STAG3: variants seen among roughly 807,000 people sequenced by gnomAD.
STAG3 encodes STAG3 cohesin complex component.
In STAG3, 101 loss-of-function variants were observed where a neutral mutation model predicts 160.7. That is an observed-to-expected ratio of 0.63 (90% CI 0.54 to 0.74). The LOEUF (loss-of-function observed/expected upper bound fraction) is 0.74, where lower values mean the gene tolerates loss of function less well. Among genes scored for constraint, STAG3 ranks in the 30% least tolerant of loss-of-function variants. STAG3 has a pLI of 0.00. For missense variants in STAG3, 1,188 were observed against 1,517.4 expected, an observed-to-expected ratio of 0.78 and a Z score of 3.61; for synonymous variants, 519 against 585.0, an observed-to-expected ratio of 0.89 and a Z score of 1.63.
intron 8 of STAG3, among the ~76,000 whole-genome samples, chr7:100,192,339 A>G (rs915167086): frequency 6.6e-6 from 1 of 152,186 alleles, no homozygotes; most frequent in African/African-American, 2.4e-5. Context: ...AGCCTGGCCA[A>G]CATGGCAAAA....
rs1180433416 is a variant in STAG3 at position 100,207,478 on chromosome 7, T to TGA, written c.3238+2096_3238+2097dup. ...GCATTTCCCTAATGACAAATGGTAT[T>TGA]GAGCATCTTTTCATGTGCTTATTGA... On this transcript the variant is annotated intron_variant, in intron 29 of 33. Coordinates refer to ENST00000615138, the MANE Select transcript of STAG3 (RefSeq NM_001282717.2). The surrounding 1 kb of genome is among the most constrained non-coding windows in gnomAD (Gnocchi z 4.0). Among the ~76,000 whole-genome samples the TGA allele has an allele frequency of 6.6e-6, 1 of 152,252 alleles. No individual in the cohort carries two copies. Among genetic ancestry groups the TGA allele is most frequent in the Non-Finnish European group, 1.5e-5 (1 of 68,042 alleles).
chr7:100,186,106 CA>C, intron 4 of STAG3, 93 bp from the exon 5 acceptor site: 1 of 981,160 alleles, frequency 1.0e-6, no homozygotes, highest in Non-Finnish European at 1.6e-6. Context: ...AAATGTTTTA[CA>C]GAAGTTTAGA....
chr7:100,195,306 C>T lies in STAG3; in HGVS notation c.868-3C>T, dbSNP rs1800613445. On this transcript the variant is annotated splice_region_variant and splice_polypyrimidine_tract_variant and intron_variant, in intron 8 of 33. Transcript: ENST00000615138. ...GATTAACCCGTTTCTCCCTGTCCTC[C>T]AGCTCCAAGAGCATCAAGAGGAGAT... 1 of 1,614,006 alleles carries T rather than the reference C, an allele frequency of 6.2e-7. No homozygotes were observed. The highest frequency in any genetic ancestry group is 8.5e-7 in the Non-Finnish European group (1 of 1,179,898).
At chr7:100,180,454 G>A (rs1205082092) in intron 1 of STAG3, 39 bp from the exon 2 acceptor site, 9 of 730,476 alleles carry the variant, frequency 1.2e-5, no homozygotes, top group Non-Finnish European at 1.7e-5. Flanking sequence ...GGATGGAGAA[G>A]TGCTGTGGTA....
chr7:100,211,017 C>G lies in STAG3; in HGVS notation c.3245C>G (p.Ala1082Gly), dbSNP rs1377124157. The G allele has an allele frequency of 8.1e-6, 13 of 1,613,182 alleles. No individual in the cohort carries two copies. Among genetic ancestry groups the G allele is most frequent in the African/African-American group, 1.3e-5 (1 of 74,842 alleles). ...SSKRRRVEGP[A>G]KPNREDVSSS... ...GTATGCATCTGCTTGGCAGGGCCTG[C>G]CAAGCCTAACAGAGAGGACGTCTCC... Residue 1082 changes from alanine to glycine, a missense_variant, in exon 30 of 34, where the codon GCC becomes GGC. By Grantham distance (60) the Ala-to-Gly change is moderately conservative. This residue lies in a region of STAG3 where 647 missense variants were observed against 717.2 expected (regional missense o/e 0.90). Coordinates refer to ENST00000615138, the MANE Select transcript of STAG3 (RefSeq NM_001282717.2).
rs1421399666 is a variant in STAG3 at position 100,200,843 on chromosome 7, G to A, written c.1935G>A (p.Gly645=). ...KHAEPAVLEA[G]AHALYLLCNP... Reference sequence around the variant, plus strand: ...CAGAGCCAGCGGTGCTTGAGGCTGGGGCGCATGCCCTCTACCTGCTCTGTA... The same window carrying A: ...CAGAGCCAGCGGTGCTTGAGGCTGGAGCGCATGCCCTCTACCTGCTCTGTA... Residue 645 remains glycine (G), a synonymous_variant, in exon 19 of 34, where the codon GGG becomes GGA. Coordinates refer to ENST00000615138, the MANE Select transcript of STAG3 (RefSeq NM_001282717.2). The A allele has an allele frequency of 6.2e-7, 1 of 1,614,190 alleles. No individual in the cohort carries two copies. The highest frequency in any genetic ancestry group is 8.5e-7 in the Non-Finnish European group (1 of 1,180,036).
intron 4 of STAG3, among the ~76,000 whole-genome samples, chr7:100,184,463 G>GGTTTTTTTTTTTTTTTTTTTTT (rs71126310): frequency 1.0e-5 from 1 of 98,552 alleles, no homozygotes; most frequent in Non-Finnish European, 1.9e-5. Context: ...CAGCGTGTTA[G>GGTTTTTTTTTTTTTTTTTTTTT]TTTTTTTTTT....
In STAG3 at chr7:100,201,619, C is replaced by T. The variant is rs933798727; in HGVS notation, c.2221-167C>T. On this transcript the variant is annotated intron_variant, in intron 21 of 33. Transcript: ENST00000615138. ...TTAGGGAGCGGTGACATTTCTACTT[C>T]GTGTAGATGCCTCTGAAGAATGTCC... The T allele has an allele frequency of 3.6e-5, 24 of 659,584 alleles. No homozygotes were observed. The East Asian group carries it at 5.4e-4, about 15-fold the overall frequency. The allele number at this position is 659,584 out of a possible 1,614,324, so 40.9% of individuals were successfully genotyped here.
chr7:100,188,941 G>A lies in STAG3; in HGVS notation c.640G>A (p.Asp214Asn). The change falls in exon 7 of 34, where the codon GAC becomes AAC. Residue 214 changes from aspartate to asparagine, a missense_variant. Physicochemically the swap from Asp to Asn is conservative, Grantham distance 23. Around this residue, in one of 4 missense-constraint regions of STAG3, gnomAD observed 296 missense variants for 404.0 expected, o/e 0.73. Transcript: ENST00000615138. The part of the protein sequence containing the change: ...YSLLYDGFPM[D>N]DLISLLTGLS... ...CCTCCTCTATGATGGCTTCCCTATG[G>A]ACGACCTCATCTCCCTGCTCACTGG... is the stretch of plus-strand genomic sequence containing the variant. The A allele has an allele frequency of 6.2e-7, 1 of 1,614,116 alleles. No homozygotes were observed. The highest frequency in any genetic ancestry group is 8.5e-7 in the Non-Finnish European group (1 of 1,180,020).
At chr7:100,213,523 G>C (rs1802469972) in intron 32 of STAG3, 1 of 985,186 alleles carries the variant, frequency 1.0e-6, no homozygotes, top group Non-Finnish European at 1.2e-6. Context: ...CCAAAACAAA[G>C]TCATTTAAGG....
intron 4 of STAG3, among the ~76,000 whole-genome samples, chr7:100,184,624 C>T (rs1426480141): frequency 2.0e-5 from 3 of 151,750 alleles, no homozygotes; most frequent in African/African-American, 4.8e-5. Context: ...CATGCCACCA[C>T]GCCCAACTAA....
rs1277370870 is a variant in STAG3 at position 100,211,782 on chromosome 7, G to T, written c.3519-13G>T. 5.6e-6 allele frequency: 9 copies of T among 1,613,270 alleles called. No homozygotes were observed. The highest frequency in any genetic ancestry group is 3.3e-5 in the Admixed American group (2 of 59,850). On this transcript the variant is annotated splice_polypyrimidine_tract_variant and intron_variant, in intron 31 of 33. Transcript: ENST00000615138. Reference sequence around the variant, plus strand: ...AACAGTTTGAAAAGCCAGTCTCTTTGCCCCTACATCAGACTCAGCCTTATG... The same window carrying T: ...AACAGTTTGAAAAGCCAGTCTCTTTTCCCCTACATCAGACTCAGCCTTATG...
chr7:100,188,490 C>T lies in STAG3; in HGVS notation c.471C>T (p.Asn157=), dbSNP rs1800165931. Reference sequence around the variant, plus strand: ...CTGAGATGTTCAAGAAGATGTCCAACTCAGAGATCATCCAGCACCTAACAG... The same window carrying T: ...CTGAGATGTTCAAGAAGATGTCCAATTCAGAGATCATCCAGCACCTAACAG... The part of the protein sequence containing the change: ...VTPEMFKKMS[N]SEIIQHLTEQ... Residue 157 remains asparagine (N), a synonymous_variant, in exon 6 of 34, where the codon AAC becomes AAT. Transcript: ENST00000615138. 1 of 1,613,890 alleles carries T rather than the reference C, an allele frequency of 6.2e-7. No homozygotes were observed.
chr7:100,215,376 A>C (rs1193907526), downstream of STAG3, among the ~76,000 whole-genome samples: 1 of 151,844 alleles, frequency 6.6e-6, no homozygotes, highest in Non-Finnish European at 1.5e-5. Flanking sequence ...GATGAAAGCT[A>C]TAAGAAATTG....
Position 100,211,029 on chromosome 7 carries a change from G to A in STAG3, c.3257G>A (p.Arg1086Lys). 6.2e-7 allele frequency: 1 copy of A among 1,613,776 alleles called. No individual in the cohort carries two copies. Among genetic ancestry groups the A allele is most frequent in the African/African-American group, 1.3e-5 (1 of 75,018 alleles). ...RRVEGPAKPN[R>K]EDVSSSQEES... ...TTGGCAGGGCCTGCCAAGCCTAACA[G>A]AGAGGACGTCTCCTCGTCCCAGGAA... Residue 1086 changes from arginine (R) to lysine (K), a missense_variant, in exon 30 of 34, where the codon AGA becomes AAA. By Grantham distance (26) the Arg-to-Lys change is conservative (BLOSUM62 2). This residue lies in a region of STAG3 where 647 missense variants were observed against 717.2 expected (regional missense o/e 0.90). Transcript: ENST00000615138.
rs771475684 is a variant in STAG3, at chr7:100,186,258, A to C, written c.395A>C (p.Glu132Ala). The C allele has an allele frequency of 2.5e-6, 4 of 1,614,006 alleles. No homozygotes were observed. Among genetic ancestry groups the C allele is most frequent in the Non-Finnish European group, 3.4e-6 (4 of 1,179,986 alleles). Residue 132 changes from glutamate (E) to alanine (A), a missense_variant, in exon 5 of 34, where the codon GAG becomes GCG. Glu to Ala is a moderately radical substitution (Grantham distance 107, BLOSUM62 -1). Transcript: ENST00000615138. ...CAAGACCAGGATGCAGGATTTCTGG[A>C]GCTTGTTAACTTTTTCATCCAATCT... ...YKQDQDAGFLELVNFFIQSCG... is the reference protein window; with the variant it reads ...YKQDQDAGFLALVNFFIQSCG...
chr7:100,205,754 C>T (rs59784581), intron 29 of STAG3, among the ~76,000 whole-genome samples: 6 of 150,984 alleles, frequency 4.0e-5, no homozygotes, highest in East Asian at 4.0e-4. Flanking sequence ...CACTTGAACC[C>T]GGGAGGCGGA....
intron 21 of STAG3, 43 bp downstream of exon 21, chr7:100,201,394 G>C: frequency 1.3e-6 from 2 of 1,567,190 alleles, no homozygotes; most frequent in Non-Finnish European, 1.8e-6. Flanking sequence ...TGGGGGGCTA[G>C]ATTTTAAGGA....
chr7:100,214,705 G>A (rs1802613297), downstream of STAG3, among the ~76,000 whole-genome samples: 1 of 152,182 alleles, frequency 6.6e-6, no homozygotes, highest in Admixed American at 6.5e-5. Flanking sequence ...TGTCCTGGCA[G>A]CCTTCACCCA....
Sources: gnomAD v4.1 joint callset for allele counts (sites outside exome capture counted in the v4.1 genomes callset) on GRCh38, gnomAD v4.1.1 for gene constraint, gnomAD v4.1.1 regional missense constraint, Gnocchi (gnomAD v3.1) non-coding constraint, MANE v1.5 for transcripts, NCBI Gene and HGNC (gene_info 2026-07-23, HGNC 2026-07-21) for gene names.